The following GDAP2 variants were observed in gnomAD, a reference collection of about 807,000 sequenced individuals.
The protein encoded by GDAP2 is ganglioside induced differentiation associated protein 2.
GDAP2 carries 51 observed loss-of-function variants against 67.0 expected under a neutral mutation model. The ratio of observed to expected loss-of-function variants is 0.76; its 90% CI spans 0.61 to 0.96. The LOEUF (loss-of-function observed/expected upper bound fraction) is 0.96. GDAP2 is among the 40% of genes least tolerant of loss of function. The pLI is 0.00. For missense variants in GDAP2, 547 were observed against 588.3 expected, an observed-to-expected ratio of 0.93 and a Z score of 0.73; for synonymous variants, 203 against 207.3, an observed-to-expected ratio of 0.98 and a Z score of 0.18.
In GDAP2 at chr1:117,887,383, C is replaced by T. The variant is rs1473414781; in HGVS notation, c.1030+315G>A. Among the ~76,000 whole-genome samples the T allele has an allele frequency of 2.0e-5, 3 of 152,012 alleles. No homozygotes were observed. In the East Asian group the frequency reaches 5.8e-4, roughly 29 times the overall value. ...GAGTGGGAATCTGGGAACTTTCACT[C>T]TCTCCATCATATATTTACGTAAGGT... is the stretch of plus-strand genomic sequence containing the variant. On this transcript the variant is annotated intron_variant, in intron 9 of 13. Transcript: ENST00000369443.
chr1:117,879,988 G>A (rs142178852), intron 12 of GDAP2, among the ~76,000 whole-genome samples: 88 of 152,186 alleles, frequency 5.8e-4, no homozygotes, highest in African/African-American at 1.3e-3. Context: ...GACCAGCCTT[G>A]GCAACAGGGC....
At chr1:117,924,352 T>C (rs1238445026) in intron 1 of GDAP2, among the ~76,000 whole-genome samples, 2 of 152,226 alleles carry the variant, frequency 1.3e-5, no homozygotes, top group Admixed American at 6.5e-5. Flanking sequence ...TCTCATTGTG[T>C]AGCTCCCACT....
chr1:117,924,194 G>C (rs141954160), intron 1 of GDAP2, among the ~76,000 whole-genome samples: 1 of 152,284 alleles, frequency 6.6e-6, no homozygotes, highest in African/African-American at 2.4e-5. Flanking sequence ...TAAATTGCAT[G>C]TCACAGGGGT....
chr1:117,898,831 C>T (rs959985685), intron 7 of GDAP2, among the ~76,000 whole-genome samples: 4 of 152,170 alleles, frequency 2.6e-5, no homozygotes, highest in African/African-American at 9.7e-5. Flanking sequence ...TTATAGCCAC[C>T]TCTTAATCCC....
Position 117,870,460 on chromosome 1 carries a change from A to T in GDAP2, c.*109T>A. 1.3e-6 allele frequency: 1 copy of T among 757,034 alleles called. No homozygotes were observed. The highest frequency in any genetic ancestry group is 1.8e-5 in the African/African-American group (1 of 56,888). 46.9% of individuals were successfully genotyped at this position (757,034 alleles called of 1,614,324 possible). On this transcript the variant is annotated 3_prime_UTR_variant, in exon 14 of 14. Transcript: ENST00000369443. ...ATAAAAAAATACCAGAGAGGTGGGG[A>T]CAAAAGGCTCTCTGGATCTGTACAG...
At chr1:117,873,054 T>G (rs1050205499) in intron 13 of GDAP2, among the ~76,000 whole-genome samples, 3 of 152,118 alleles carry the variant, frequency 2.0e-5, no homozygotes, top group African/African-American at 4.8e-5. Flanking sequence ...ACACCTACAT[T>G]AAATTATGAC....
At chr1:117,924,969 CT>C (rs1650392851) in intron 1 of GDAP2, among the ~76,000 whole-genome samples, 1 of 152,032 alleles carries the variant, frequency 6.6e-6, no homozygotes, top group African/African-American at 2.4e-5. Flanking sequence ...AAAAAATTAC[CT>C]GCAGATTTTT....
At chr1:117,902,382 C>T (rs1053588660) in intron 6 of GDAP2, among the ~76,000 whole-genome samples, 1 of 152,116 alleles carries the variant, frequency 6.6e-6, no homozygotes, top group East Asian at 1.9e-4. Flanking sequence ...CTGCCTAATC[C>T]ACAATCAAGA....
chr1:117,912,171 ACTT>A, intron 4 of GDAP2, 89 bp from the exon 5 acceptor site: 1 of 788,434 alleles, frequency 1.3e-6, no homozygotes. Context: ...ATCTAGCTCA[ACTT>A]CTCCTTTCCT....
At chr1:117,909,162 C>T (rs1243380891) in intron 5 of GDAP2, among the ~76,000 whole-genome samples, 1 of 152,124 alleles carries the variant, frequency 6.6e-6, no homozygotes, top group Non-Finnish European at 1.5e-5. Flanking sequence ...CTAGTGAATA[C>T]CCTATAATTT....
chr1:117,885,849 T>G (rs957596402), intron 10 of GDAP2, among the ~76,000 whole-genome samples: 24 of 152,198 alleles, frequency 1.6e-4, no homozygotes, highest in Admixed American at 1.3e-4. Flanking sequence ...GCTAGGATTC[T>G]CTACATAATT....
Position 117,887,749 on chromosome 1 carries a change from T to C in GDAP2, c.979A>G (p.Arg327Gly), listed in dbSNP as rs1648915420. 6.3e-7 allele frequency: 1 copy of C among 1,575,226 alleles called. No homozygotes were observed. The highest frequency in any genetic ancestry group is 8.7e-7 in the Non-Finnish European group (1 of 1,145,296). Residue 327 changes from arginine to glycine, a missense_variant, in exon 9 of 14, where the codon AGA becomes GGA. Coordinates refer to ENST00000369443, the MANE Select transcript of GDAP2 (RefSeq NM_017686.4). ...GCAATATCAGACAGATCCTCAGATC[T>C]TGCTTGACATAACCAGCGATTATAA... ...RNYNRWLCQA[R>G]SEDLSDIASL...
intron 6 of GDAP2, among the ~76,000 whole-genome samples, chr1:117,904,677 C>T (rs1483106135): frequency 2.0e-5 from 3 of 152,158 alleles, no homozygotes; most frequent in Admixed American, 6.5e-5. Flanking sequence ...CTTAGCAGAG[C>T]ATTTGGCACA....
At chr1:117,912,820 T>C (rs1243940341) in intron 3 of GDAP2, 137 bp from the exon 4 acceptor site, 5 of 701,420 alleles carry the variant, frequency 7.1e-6, no homozygotes, top group Non-Finnish European at 1.2e-5. Context: ...CACAAGCATT[T>C]ATCTCTGTTA....
intron 6 of GDAP2, 92 bp downstream of exon 6, chr1:117,906,414 G>T (rs1285659349): frequency 2.9e-6 from 2 of 695,724 alleles, no homozygotes; most frequent in Non-Finnish European, 5.0e-6. Context: ...GGATTTGTCT[G>T]CTGGAAACTC....
chr1:117,891,888 A>G (rs1354566887), intron 8 of GDAP2, among the ~76,000 whole-genome samples: 2 of 152,110 alleles, frequency 1.3e-5, no homozygotes, highest in Admixed American at 6.6e-5. Flanking sequence ...TCTAAAGTTG[A>G]TTTGTCCATA....
chr1:117,929,322 C>T (rs1015431050), intron 1 of GDAP2, 126 bp downstream of exon 1: 1 of 152,374 alleles, frequency 6.6e-6, no homozygotes, highest in Non-Finnish European at 1.5e-5. Flanking sequence ...GCTCGTTCTT[C>T]AAGAGAAGTG....
Position 117,899,958 on chromosome 1 carries a change from A to C in GDAP2, c.637-742T>G, listed in dbSNP as rs1649390764. ...CCTAGGACAATGAAATCATTCAAGA[A>C]ATCATTTTCTTTCATTTTCATATTG... On this transcript the variant is annotated intron_variant, in intron 6 of 13. Coordinates refer to ENST00000369443, the MANE Select transcript of GDAP2 (RefSeq NM_017686.4). Among the ~76,000 whole-genome samples the C allele has an allele frequency of 2.0e-5, 3 of 152,216 alleles. No homozygotes were observed. The South Asian group carries it at 6.2e-4, about 32-fold the overall frequency.
Position 117,919,778 on chromosome 1 carries a change from T to C in GDAP2, c.176+404A>G, listed in dbSNP as rs1650177908. On this transcript the variant is annotated intron_variant, in intron 2 of 13. Transcript: ENST00000369443. ...ACACAGATGAACTTAAATCCATCAT[T>C]CTGCTGAAAACAGACCAAAAAGCAC... Among the ~76,000 whole-genome samples, 4 of 152,156 alleles carry C rather than the reference T, an allele frequency of 2.6e-5. No homozygotes were observed. In the South Asian group the frequency reaches 8.3e-4, roughly 32 times the overall value.
Sources: allele counts gnomAD v4.1 joint callset (sites outside exome capture counted in the v4.1 genomes callset), GRCh38; gene constraint gnomAD v4.1.1; transcripts MANE v1.5; gene names NCBI Gene and HGNC (gene_info 2026-07-23, HGNC 2026-07-21).